CACNA2D1: variants seen among roughly 807,000 people sequenced by gnomAD.
The protein encoded by CACNA2D1 is calcium voltage-gated channel auxiliary subunit alpha2delta 1.
In CACNA2D1, 53 loss-of-function variants were observed where a neutral mutation model predicts 171.5. The observed-to-expected ratio is 0.31, with a 90% CI of 0.25 to 0.39. The LOEUF is 0.39. CACNA2D1 is among the 10% of genes least tolerant of loss of function. The probability of loss-of-function intolerance (pLI) is 1.00; values close to 1 mark genes in which losing one functional copy is unlikely to be tolerated. For missense variants in CACNA2D1, 903 were observed against 1,299.8 expected, an observed-to-expected ratio of 0.69 and a Z score of 4.69; for synonymous variants, 442 against 443.1, an observed-to-expected ratio of 1.00 and a Z score of 0.03.
chr7:82,435,395 T>C (rs989249921), intron 1 of CACNA2D1, among the ~76,000 whole-genome samples: 5 of 152,118 alleles, frequency 3.3e-5, no homozygotes, highest in African/African-American at 1.2e-4. Flanking sequence ...ACTCCAAATG[T>C]CCAACGATCA....
intron 4 of CACNA2D1, among the ~76,000 whole-genome samples, chr7:82,138,682 G>A (rs1315955254): frequency 6.6e-6 from 1 of 151,778 alleles, no homozygotes; most frequent in Non-Finnish European, 1.5e-5. Flanking sequence ...TCCTGACCTC[G>A]TGATCCGCCC....
At chr7:82,442,511 G>C (rs973111321) in intron 1 of CACNA2D1, among the ~76,000 whole-genome samples, 25 of 152,174 alleles carry the variant, frequency 1.6e-4, no homozygotes, top group African/African-American at 6.0e-4. Context: ...ATTTTGCTAA[G>C]AAAGGAGAGA....
At chr7:82,339,160 T>A (rs1818325604) in intron 2 of CACNA2D1, among the ~76,000 whole-genome samples, 1 of 152,168 alleles carries the variant, frequency 6.6e-6, no homozygotes, top group Admixed American at 6.5e-5. Flanking sequence ...ACTTACTAAA[T>A]CCTTAGTTGA....
chr7:82,381,009 T>C (rs1008363871), intron 1 of CACNA2D1, among the ~76,000 whole-genome samples: 5 of 151,770 alleles, frequency 3.3e-5, no homozygotes, highest in African/African-American at 1.2e-4. Flanking sequence ...TTATTATTAA[T>C]GTGTATAAAT....
intron 1 of CACNA2D1, among the ~76,000 whole-genome samples, chr7:82,359,838 C>A (rs1222749228): frequency 1.3e-5 from 2 of 152,172 alleles, no homozygotes; most frequent in Non-Finnish European, 2.9e-5. Context: ...TCTGAACATA[C>A]AGTGGCTACT....
At chr7:82,435,409 T>G (rs770248763) in intron 1 of CACNA2D1, among the ~76,000 whole-genome samples, 1 of 152,100 alleles carries the variant, frequency 6.6e-6, no homozygotes, top group Admixed American at 6.6e-5. Flanking sequence ...ACGATCAACC[T>G]ACTCCCACTC....
intron 1 of CACNA2D1, among the ~76,000 whole-genome samples, chr7:82,439,235 T>C (rs1830318116): frequency 6.6e-6 from 1 of 152,084 alleles, no homozygotes; most frequent in Admixed American, 6.5e-5. Context: ...AATTTCTCAA[T>C]GCATTATTGT....
At chr7:82,386,755 T>G (rs568949386) in intron 1 of CACNA2D1, among the ~76,000 whole-genome samples, 45 of 149,360 alleles carry the variant, frequency 3.0e-4, no homozygotes, top group African/African-American at 1.1e-3. Flanking sequence ...AATAAATAAA[T>G]AAATAAATAA....
intron 2 of CACNA2D1, among the ~76,000 whole-genome samples, chr7:82,340,739 G>A (rs140508455): frequency 6.6e-6 from 1 of 152,128 alleles, no homozygotes; most frequent in East Asian, 1.9e-4. Context: ...AATTGTGTGA[G>A]GTTCTAAGAA....
intron 1 of CACNA2D1, among the ~76,000 whole-genome samples, chr7:82,365,236 A>G (rs1157564141): frequency 6.6e-6 from 1 of 152,206 alleles, no homozygotes; most frequent in Non-Finnish European, 1.5e-5. Flanking sequence ...ATTAAAAAAA[A>G]TTGGCCTTCC....
At chr7:82,434,453 CTTAA>C (rs1473069071) in intron 1 of CACNA2D1, among the ~76,000 whole-genome samples, 2 of 152,060 alleles carry the variant, frequency 1.3e-5, no homozygotes, top group African/African-American at 2.4e-5. Flanking sequence ...ATTAAGTCTA[CTTAA>C]TTAGTTATTA....
chr7:82,439,287 T>C (rs985327448), intron 1 of CACNA2D1, among the ~76,000 whole-genome samples: 2 of 152,040 alleles, frequency 1.3e-5, no homozygotes, highest in African/African-American at 2.4e-5. Context: ...TTTAGCACAA[T>C]AATAATTTCC....
chr7:81,971,600 C>T (rs1056684325), intron 26 of CACNA2D1, among the ~76,000 whole-genome samples, 177 bp downstream of exon 26: 3 of 151,744 alleles, frequency 2.0e-5, no homozygotes, highest in Middle Eastern at 3.4e-3. Context: ...GACATTAGTA[C>T]TGAAAAACAC....
In CACNA2D1 at chr7:81,952,385, T is replaced by C. The variant is rs116217157; in HGVS notation, c.3160-1877A>G. Among the ~76,000 whole-genome samples, 330 of 152,188 alleles carry C rather than the reference T, an allele frequency of 2.2e-3. 1 individual carries two copies. The highest frequency in any genetic ancestry group is 7.6e-3 in the African/African-American group (316 of 41,546). ...ACAGTAAATAAAATTATTTCTTTAATTGTATTTTAAGGCAGCAGAACTATT... is the reference window on the plus strand; with the variant it reads ...ACAGTAAATAAAATTATTTCTTTAACTGTATTTTAAGGCAGCAGAACTATT... On this transcript the variant is annotated intron_variant, in intron 38 of 38. Transcript: ENST00000356860.
intron 1 of CACNA2D1, among the ~76,000 whole-genome samples, chr7:82,354,231 A>G (rs761944544): frequency 8.5e-5 from 13 of 152,198 alleles, no homozygotes; most frequent in Non-Finnish European, 1.8e-4. Context: ...TGTGTCACAT[A>G]AAATTTAATT....
At position 81,959,980 on chromosome 7, in the gene CACNA2D1, G is replaced by GA. The variant is rs943805396; in HGVS notation, c.2967-152dup. 23 of 1,244,384 alleles carry GA rather than the reference G, an allele frequency of 1.8e-5. No homozygotes were observed. In the African/African-American group the frequency reaches 2.0e-4, roughly 11 times the overall value. The allele number at this position is 1,244,384 out of a possible 1,614,324, so 77.1% of individuals were successfully genotyped here. ...GCACAATAGGAGTATGATTTTAGAA[G>GA]AAAAAAATGCTTCATTTATTAGCAT... On this transcript the variant is annotated intron_variant, in intron 36 of 38. Coordinates refer to ENST00000356860, the MANE Select transcript of CACNA2D1 (RefSeq NM_000722.4).
chr7:82,031,767 C>T (rs1291176354), intron 12 of CACNA2D1, among the ~76,000 whole-genome samples: 3 of 151,968 alleles, frequency 2.0e-5, no homozygotes, highest in East Asian at 1.9e-4. Context: ...ATTTTTGTCT[C>T]GCTTTTCAAC....
chr7:82,138,767 A>G (rs540281015), intron 4 of CACNA2D1, among the ~76,000 whole-genome samples: 1 of 152,068 alleles, frequency 6.6e-6, no homozygotes, highest in Non-Finnish European at 1.5e-5. Context: ...TTTTTATAAA[A>G]AAGCAGAGCT....
chr7:82,190,731 T>C (rs1277657417), intron 3 of CACNA2D1, among the ~76,000 whole-genome samples: 4 of 151,560 alleles, frequency 2.6e-5, no homozygotes, highest in Admixed American at 6.6e-5. Flanking sequence ...CTTGGTATTA[T>C]GAAAAAAAGA....
Sources: gnomAD v4.1 joint callset for allele counts (sites outside exome capture counted in the v4.1 genomes callset) on GRCh38, gnomAD v4.1.1 for gene constraint, MANE v1.5 for transcripts, NCBI Gene and HGNC (gene_info 2026-07-23, HGNC 2026-07-21) for gene names.